Variants in NUBPL observed in about 807,000 individuals in gnomAD.
The protein encoded by NUBPL is NUBP iron-sulfur cluster assembly factor, mitochondrial.
In NUBPL, 31 loss-of-function variants were observed where a neutral mutation model predicts 45.7. The observed-to-expected ratio is 0.68, with a 90% confidence interval of 0.51 to 0.92. The LOEUF (loss-of-function observed/expected upper bound fraction) is 0.92. NUBPL is among the 40% of genes least tolerant of loss of function. The pLI, the probability that NUBPL is intolerant of heterozygous loss-of-function variation, is 0.00. For synonymous variants in NUBPL, 144 were observed against 140.9 expected (o/e 1.02, Z -0.15); for missense variants, 401 against 398.7 (o/e 1.01, Z -0.05).
intron 4 of NUBPL, among the ~76,000 whole-genome samples, chr14:31,647,627 A>T (rs977525131): frequency 6.6e-6 from 1 of 152,220 alleles, no homozygotes; most frequent in Non-Finnish European, 1.5e-5. Context: ...TTCCTTTGAC[A>T]GAGTTACAGA....
chr14:31,809,866 C>T (rs972802841), intron 7 of NUBPL, among the ~76,000 whole-genome samples: 3 of 152,060 alleles, frequency 2.0e-5, no homozygotes, highest in East Asian at 1.9e-4. Context: ...GCCTTCATTT[C>T]GTTATGTACC....
At chr14:31,767,579 TTCACACAAATA>T (rs2038936865) in intron 6 of NUBPL, among the ~76,000 whole-genome samples, 2 of 152,232 alleles carry the variant, frequency 1.3e-5, no homozygotes, top group Middle Eastern at 3.4e-3. Flanking sequence ...CAAGTTGAAA[TTCACACAAATA>T]TCAAACCAAC....
intron 3 of NUBPL, among the ~76,000 whole-genome samples, chr14:31,576,501 T>C (rs1490687022): frequency 1.3e-5 from 2 of 152,204 alleles, no homozygotes; most frequent in African/African-American, 4.8e-5. Context: ...GCTTAAGTCG[T>C]CTTCCTCCTT....
At chr14:31,790,445 T>C (rs1360853043) in intron 7 of NUBPL, among the ~76,000 whole-genome samples, 1 of 152,118 alleles carries the variant, frequency 6.6e-6, no homozygotes, top group Non-Finnish European at 1.5e-5. Flanking sequence ...GGTGGTGAAA[T>C]GTGCAGAGCA....
At chr14:31,759,544 A>AT (rs899646965) in intron 6 of NUBPL, among the ~76,000 whole-genome samples, 1 of 151,962 alleles carries the variant, frequency 6.6e-6, no homozygotes, top group African/African-American at 2.4e-5. Context: ...TATACTTAGC[A>AT]TTTTTTTGTG....
chr14:31,779,031 T>C (rs982502659), intron 6 of NUBPL, among the ~76,000 whole-genome samples: 2 of 152,194 alleles, frequency 1.3e-5, no homozygotes, highest in African/African-American at 2.4e-5. Context: ...CAGGTGATGG[T>C]AAGATGAGGA....
At chr14:31,840,952 A>G (rs908301441) in intron 8 of NUBPL, among the ~76,000 whole-genome samples, 1 of 152,210 alleles carries the variant, frequency 6.6e-6, no homozygotes, top group African/African-American at 2.4e-5. Flanking sequence ...ATATAGTGTT[A>G]TACGTTTGTG....
At chr14:31,826,606 G>C (rs773805685) in intron 7 of NUBPL, 23 bp from the exon 8 acceptor site, 1 of 1,591,366 alleles carries the variant, frequency 6.3e-7, no homozygotes, top group Non-Finnish European at 8.6e-7. Context: ...AAAGATAATA[G>C]TATTTTGTTT....
chr14:31,746,436 G>A (rs186598429), intron 6 of NUBPL, among the ~76,000 whole-genome samples: 19 of 152,106 alleles, frequency 1.2e-4, no homozygotes, highest in Admixed American at 1.2e-3. Context: ...TTCTGTATTT[G>A]TTGAGATGAT....
chr14:31,804,184 G>A (rs2039642816), intron 7 of NUBPL, among the ~76,000 whole-genome samples: 1 of 152,112 alleles, frequency 6.6e-6, no homozygotes, highest in South Asian at 2.1e-4. Context: ...ATAGACACTA[G>A]TAGTACAGTC....
chr14:31,639,582 G>A (rs2035620265), intron 4 of NUBPL, among the ~76,000 whole-genome samples: 1 of 152,188 alleles, frequency 6.6e-6, no homozygotes, highest in South Asian at 2.1e-4. Flanking sequence ...ATCTCCAGCT[G>A]CATCCTGGGA....
At chr14:31,725,910 A>T (rs2037913078) in intron 6 of NUBPL, among the ~76,000 whole-genome samples, 1 of 151,726 alleles carries the variant, frequency 6.6e-6, no homozygotes, top group African/African-American at 2.4e-5. Context: ...GGGTTTCATC[A>T]TGTTGGCCAG....
At chr14:31,751,891 C>T (rs2038539756) in intron 6 of NUBPL, among the ~76,000 whole-genome samples, 1 of 152,174 alleles carries the variant, frequency 6.6e-6, no homozygotes. Context: ...CAATTCTTGC[C>T]TTCTGTGCTC....
At chr14:31,763,596 CTG>C (rs755184126) in intron 6 of NUBPL, among the ~76,000 whole-genome samples, 30 of 151,972 alleles carry the variant, frequency 2.0e-4, no homozygotes, top group Non-Finnish European at 3.7e-4. Flanking sequence ...TGTTGGCAAT[CTG>C]AATATATTTT....
At chr14:31,674,522 C>T (rs184200048) in intron 6 of NUBPL, among the ~76,000 whole-genome samples, 1 of 152,052 alleles carries the variant, frequency 6.6e-6, no homozygotes, top group Admixed American at 6.5e-5. Context: ...TGTCAGATCC[C>T]CTAGTTAGTG....
At chr14:31,584,893 G>A (rs2033955678) in intron 3 of NUBPL, among the ~76,000 whole-genome samples, 1 of 152,182 alleles carries the variant, frequency 6.6e-6, no homozygotes, top group African/African-American at 2.4e-5. Flanking sequence ...GAAAGAGAGT[G>A]AGAGAGCTCT....
At chr14:31,710,587 T>A (rs955632481) in intron 6 of NUBPL, among the ~76,000 whole-genome samples, 1 of 152,188 alleles carries the variant, frequency 6.6e-6, no homozygotes, top group Non-Finnish European at 1.5e-5. Context: ...TACAGACGCA[T>A]TCTCGAAAAC....
chr14:31,793,393 A>C (rs2138838317), intron 7 of NUBPL, among the ~76,000 whole-genome samples: 1 of 152,196 alleles, frequency 6.6e-6, no homozygotes, highest in East Asian at 1.9e-4. Flanking sequence ...TCTTCCCCAA[A>C]CCCGCATTTA....
At chr14:31,760,290 G>T (rs538890433) in intron 6 of NUBPL, among the ~76,000 whole-genome samples, 82 of 151,508 alleles carry the variant, frequency 5.4e-4, no homozygotes, top group African/African-American at 1.8e-3. Context: ...AGTAGCTGGG[G>T]CTACAGGTGT....
Sources: allele counts gnomAD v4.1 joint callset (sites outside exome capture counted in the v4.1 genomes callset), GRCh38; gene constraint gnomAD v4.1.1; transcripts MANE v1.5; gene names NCBI Gene and HGNC (gene_info 2026-07-23, HGNC 2026-07-21).